Variants in GUCY2C observed in about 807,000 individuals in gnomAD.
GUCY2C encodes the protein guanylate cyclase 2C.
GUCY2C carries 118 observed loss-of-function variants against 131.1 expected under a neutral mutation model. The ratio of observed to expected loss-of-function variants is 0.90; its 90% CI spans 0.78 to 1.05. The LOEUF is 1.05. Ranked by LOEUF, GUCY2C falls within the 50% of genes least tolerant of loss-of-function variation. The pLI, the probability that GUCY2C is intolerant of heterozygous loss-of-function variation, is 0.00. For synonymous variants in GUCY2C, 452 were observed against 457.8 expected (o/e 0.99, Z 0.16); for missense variants, 1,161 against 1,304.4 (o/e 0.89, Z 1.69).
At chr12:14,648,894 T>C (rs539025862) in intron 15 of GUCY2C, among the ~76,000 whole-genome samples, 1 of 152,256 alleles carries the variant, frequency 6.6e-6, no homozygotes, top group Non-Finnish European at 1.5e-5. Context: ...AGACAGTCTT[T>C]GCAATGTTAA....
chr12:14,626,897 G>A (rs1269610391), intron 20 of GUCY2C, among the ~76,000 whole-genome samples: 1 of 152,146 alleles, frequency 6.6e-6, no homozygotes, highest in Non-Finnish European at 1.5e-5. Flanking sequence ...AATTTGCAAT[G>A]AAGGAAAATC....
chr12:14,683,116 ATC>A lies in GUCY2C; in HGVS notation c.535_536del (p.Asp179SerfsTer21). On this transcript the variant is annotated frameshift_variant, in exon 4 of 27. Coordinates refer to ENST00000261170, the MANE Select transcript of GUCY2C (RefSeq NM_004963.4). LOFTEE classifies it high-confidence loss of function. The stretch of plus-strand genomic sequence containing the variant: ...TCCAGGAATAAGTTTTGAAGGGCAG[ATC>A]GTTGGTTTTCCAAAAGTTAACCAAG... ...YFLVNFWKTN[D>X]LPFKTYSWST... 6.2e-7 allele frequency: 1 copy of A among 1,613,694 alleles called. No homozygotes were observed. The highest frequency in any genetic ancestry group is 8.5e-7 in the Non-Finnish European group (1 of 1,179,622).
intron 10 of GUCY2C, among the ~76,000 whole-genome samples, chr12:14,665,037 C>T (rs1363464729): frequency 2.0e-5 from 3 of 151,992 alleles, no homozygotes; most frequent in African/African-American, 7.3e-5. Context: ...CATGGTGAAA[C>T]CCCGTCTCCA....
chr12:14,650,664 C>A (rs184956821), intron 15 of GUCY2C, among the ~76,000 whole-genome samples: 2 of 152,188 alleles, frequency 1.3e-5, no homozygotes, highest in African/African-American at 4.8e-5. Context: ...TAGTCCCTCA[C>A]GGGCTTGCTT....
At chr12:14,666,643 G>A (rs1413615662) in intron 10 of GUCY2C, among the ~76,000 whole-genome samples, 2 of 151,714 alleles carry the variant, frequency 1.3e-5, no homozygotes, top group Non-Finnish European at 2.9e-5. Flanking sequence ...GCTGAGGCAG[G>A]AGAATCGCTT....
At chr12:14,667,784 CATCA>C (rs1191649133) in intron 10 of GUCY2C, among the ~76,000 whole-genome samples, 5 of 152,138 alleles carry the variant, frequency 3.3e-5, no homozygotes, top group Admixed American at 2.6e-4. Flanking sequence ...TGCAGGATCC[CATCA>C]GTCAGAGGAC....
intron 20 of GUCY2C, among the ~76,000 whole-genome samples, chr12:14,626,820 A>G (rs1197248569): frequency 6.6e-6 from 1 of 152,212 alleles, no homozygotes; most frequent in Non-Finnish European, 1.5e-5. Context: ...GTGGTCACCT[A>G]TTGGGAAACA....
At chr12:14,644,121 C>T (rs941951202) in intron 16 of GUCY2C, among the ~76,000 whole-genome samples, 1 of 152,114 alleles carries the variant, frequency 6.6e-6, no homozygotes, top group Non-Finnish European at 1.5e-5. Context: ...GGGTGCCAGG[C>T]TAGATTATTT....
At chr12:14,694,334 A>G (rs1388264983) in intron 1 of GUCY2C, among the ~76,000 whole-genome samples, 2 of 152,206 alleles carry the variant, frequency 1.3e-5, no homozygotes, top group Non-Finnish European at 2.9e-5. Flanking sequence ...CAAACAGACA[A>G]CCTATATGAC....
rs780123395 is a variant in GUCY2C, at chr12:14,639,913, T to A, written c.2106A>T (p.Lys702Asn). 3.1e-6 allele frequency: 5 copies of A among 1,611,600 alleles called. No individual in the cohort carries two copies. Among genetic ancestry groups the A allele is most frequent in the African/African-American group, 1.3e-5 (1 of 74,862 alleles). Reference protein sequence around the residue: ...IFRVENSNGMKPFRPDLFLET... With the variant: ...IFRVENSNGMNPFRPDLFLET... ...CCAAGAATAAATCTGGGCGGAAGGGTTTCATTCCATTGGAATTTTCCACTC... is the reference window on the plus strand; with the variant it reads ...CCAAGAATAAATCTGGGCGGAAGGGATTCATTCCATTGGAATTTTCCACTC... Residue 702 changes from lysine (K) to asparagine (N), a missense_variant, in exon 19 of 27, where the codon AAA (lysine) becomes AAT (asparagine). By Grantham distance (94) the Lys-to-Asn change is moderately conservative. Transcript: ENST00000261170.
At chr12:14,671,098 T>C (rs1235286102) in intron 9 of GUCY2C, among the ~76,000 whole-genome samples, 1 of 152,026 alleles carries the variant, frequency 6.6e-6, no homozygotes, top group Admixed American at 6.5e-5. Context: ...TTCTGGGAGA[T>C]ACAATTCAAG....
chr12:14,642,076 A>G (rs1350318935), intron 17 of GUCY2C, among the ~76,000 whole-genome samples: 5 of 152,180 alleles, frequency 3.3e-5, no homozygotes, highest in African/African-American at 1.2e-4. Context: ...CAAAGAGACT[A>G]TGGCTGATAT....
chr12:14,625,228 G>T (rs1289567955), intron 21 of GUCY2C, among the ~76,000 whole-genome samples: 1 of 152,124 alleles, frequency 6.6e-6, no homozygotes, highest in Non-Finnish European at 1.5e-5. Context: ...TCCAGCTCGG[G>T]CTTCTTGGGT....
chr12:14,621,044 G>C lies in GUCY2C; in HGVS notation c.2774C>G (p.Ser925Cys), dbSNP rs778436794. ...TGCTAAGATGCTCAACTCCATACCA[G>C]AGTGAACTCCAATGCGAATCCATAT... Reference protein sequence around the residue: ...LPIWIRIGVHSGPCAAGVVGI... With the variant: ...LPIWIRIGVHCGPCAAGVVGI... Residue 925 changes from serine to cysteine, a missense_variant and splice_region_variant, in exon 23 of 27, where the codon TCT (serine) becomes TGT (cysteine). By Grantham distance (112) the Ser-to-Cys change is moderately radical. Coordinates refer to ENST00000261170, the MANE Select transcript of GUCY2C (RefSeq NM_004963.4). 7 of 1,613,058 alleles carry C rather than the reference G, an allele frequency of 4.3e-6. No homozygotes were observed. In the African/African-American group the frequency reaches 9.3e-5, roughly 22 times the overall value.
chr12:14,640,350 G>A (rs1947369333), intron 18 of GUCY2C, among the ~76,000 whole-genome samples: 1 of 151,550 alleles, frequency 6.6e-6, no homozygotes, highest in Non-Finnish European at 1.5e-5. Flanking sequence ...CCAGCTACTT[G>A]GAAGGCTGAG....
intron 20 of GUCY2C, among the ~76,000 whole-genome samples, chr12:14,628,140 CAT>C (rs1947061815): frequency 1.3e-5 from 2 of 151,912 alleles, no homozygotes; most frequent in African/African-American, 4.9e-5. Context: ...TAACTGAAAA[CAT>C]GGGGTATCTA....
At chr12:14,652,816 A>C (rs1947690272) in intron 13 of GUCY2C, 136 bp downstream of exon 13, 1 of 704,184 alleles carries the variant, frequency 1.4e-6, no homozygotes, top group Non-Finnish European at 2.6e-6. Flanking sequence ...ATCCCTGTGA[A>C]GCTCTAAGAA....
At chr12:14,658,830 G>A (rs1055836027) in intron 11 of GUCY2C, among the ~76,000 whole-genome samples, 2 of 150,978 alleles carry the variant, frequency 1.3e-5, no homozygotes, top group African/African-American at 2.4e-5. Context: ...ATGTCTTTGT[G>A]TATTATTTTA....
chr12:14,626,115 G>A (rs1373073282), intron 20 of GUCY2C, among the ~76,000 whole-genome samples, 200 bp from the exon 21 acceptor site: 5 of 152,184 alleles, frequency 3.3e-5, no homozygotes. Context: ...CGAGGCGGGA[G>A]GATCACTTGA....
Sources: allele counts gnomAD v4.1 joint callset (sites outside exome capture counted in the v4.1 genomes callset), GRCh38; gene constraint gnomAD v4.1.1; transcripts MANE v1.5; gene names NCBI Gene and HGNC (gene_info 2026-07-23, HGNC 2026-07-21).